The following USP7 variants were observed in gnomAD, a reference collection of about 807,000 sequenced individuals.
The protein encoded by USP7 is ubiquitin C-terminal hydrolase 7.
USP7 carries 9 observed loss-of-function variants against 162.9 expected under a neutral mutation model. The observed-to-expected ratio is 0.06, with a 90% CI of 0.03 to 0.10. USP7 has a LOEUF of 0.10. Among genes scored for constraint, USP7 ranks in the 10% least tolerant of loss-of-function variants. USP7 has a pLI of 1.00. For synonymous variants in USP7, 562 were observed against 475.9 expected, an observed-to-expected ratio of 1.18 and a Z score of -2.35; for missense variants, 715 against 1,373.7, an observed-to-expected ratio of 0.52 and a Z score of 7.58.
intron 2 of USP7, among the ~76,000 whole-genome samples, chr16:8,924,622 C>A (rs1475397308): frequency 6.6e-6 from 1 of 152,248 alleles, no homozygotes; most frequent in Non-Finnish European, 1.5e-5. Flanking sequence ...AAGGCAGTCA[C>A]CATGTCATCC....
At chr16:8,896,681 C>A (rs1267712432) in intron 26 of USP7, among the ~76,000 whole-genome samples, 1 of 152,178 alleles carries the variant, frequency 6.6e-6, no homozygotes, top group Non-Finnish European at 1.5e-5. Context: ...TCTATGGGAA[C>A]TGCGCCTTTT....
At position 8,929,110 on chromosome 16, in the gene USP7, G is replaced by A. The variant is rs548615873; in HGVS notation, c.184+1183C>T. Among the ~76,000 whole-genome samples the A allele has an allele frequency of 2.6e-5, 4 of 152,106 alleles. No individual in the cohort carries two copies. In the South Asian group the frequency reaches 8.3e-4, roughly 32 times the overall value. On this transcript the variant is annotated intron_variant, in intron 2 of 30. Coordinates refer to ENST00000344836, the MANE Select transcript of USP7 (RefSeq NM_003470.3). ...AGATTGCTCTGTGGGAACTAGACCC[G>A]GAATGTTCCGATAGGGCAGGGCCTG...
chr16:8,922,442 C>A (rs576818348), intron 3 of USP7, among the ~76,000 whole-genome samples: 1 of 152,328 alleles, frequency 6.6e-6, no homozygotes, highest in African/African-American at 2.4e-5. Flanking sequence ...GAGCCAAGAT[C>A]AGGCCACTGC....
chr16:8,894,123 A>T lies in USP7; in HGVS notation c.3203-19T>A, dbSNP rs1251993005. 1.2e-6 allele frequency: 2 copies of T among 1,610,044 alleles called. No individual in the cohort carries two copies. The highest frequency in any genetic ancestry group is 2.2e-5 in the East Asian group (1 of 44,870). On this transcript the variant is annotated intron_variant, in intron 30 of 30. Coordinates refer to ENST00000344836, the MANE Select transcript of USP7 (RefSeq NM_003470.3). ...ATATTACCTGGTGGGGATGAAGAAAAGCAAGTGAGGCCACAGAGCAGCCCT... is the reference window on the plus strand; with the variant it reads ...ATATTACCTGGTGGGGATGAAGAAATGCAAGTGAGGCCACAGAGCAGCCCT...
At chr16:8,938,015 G>T (rs959219191) in intron 1 of USP7, among the ~76,000 whole-genome samples, 1 of 152,048 alleles carries the variant, frequency 6.6e-6, no homozygotes, top group African/African-American at 2.4e-5. Context: ...ACAATTCTCA[G>T]GTAATCGTCA....
At chr16:8,926,953 G>A (rs1214689090) in intron 2 of USP7, among the ~76,000 whole-genome samples, 5 of 152,192 alleles carry the variant, frequency 3.3e-5, no homozygotes, top group Non-Finnish European at 7.3e-5. Context: ...TTCCCACTGT[G>A]CACTTTGTTA....
rs781376756 is a variant in USP7, at chr16:8,905,200, C to T, written c.1560G>A (p.Arg520=). 3 of 1,613,926 alleles carry T rather than the reference C, an allele frequency of 1.9e-6. No individual in the cohort carries two copies. In the South Asian group the frequency reaches 3.3e-5, roughly 18 times the overall value. The stretch of plus-strand genomic sequence containing the variant: ...AACACTACTCACTCAGTTTTGATTC[C>T]CTGATGTAGACTAACATGTAAGCAT... ...CTNAYMLVYI[R]ESKLSEVLQA... is the part of the protein sequence containing the mutation. The change falls in exon 14 of 31, where the codon AGG becomes AGA. Residue 520 remains arginine (R), a synonymous_variant. Coordinates refer to ENST00000344836, the MANE Select transcript of USP7 (RefSeq NM_003470.3).
At chr16:8,959,985 G>A (rs1232802865) in intron 1 of USP7, among the ~76,000 whole-genome samples, 1 of 152,030 alleles carries the variant, frequency 6.6e-6, no homozygotes, top group Non-Finnish European at 1.5e-5. Flanking sequence ...CCACACCAGG[G>A]AAAAAAACAG....
chr16:8,897,225 T>C lies in USP7; in HGVS notation c.2719-126A>G, dbSNP rs1444667485. On this transcript the variant is annotated intron_variant, in intron 25 of 30. Coordinates refer to ENST00000344836, the MANE Select transcript of USP7 (RefSeq NM_003470.3). ...CCCCAGCTGGCCCCCATGTTCTTGC[T>C]CTCATTCCCACCCCAACTCCCTCAT... 24 of 720,564 alleles carry C rather than the reference T, an allele frequency of 3.3e-5. No homozygotes were observed. The Admixed American group carries it at 4.2e-4, about 13-fold the overall frequency. The allele number at this position is 720,564 out of a possible 1,614,324, so 44.6% of individuals were successfully genotyped here. A position where few individuals can be genotyped will look rare whatever the true frequency, so the allele number is the denominator to read the frequency against.
At chr16:8,936,498 T>A in intron 1 of USP7, 1 of 1,379,548 alleles carries the variant, frequency 7.2e-7, no homozygotes, top group Middle Eastern at 1.9e-4. Flanking sequence ...CCAAATATAC[T>A]TCAGAAGTTT....
Position 8,894,755 on chromosome 16 carries a change from CAAGCCCCCAG to C in USP7, c.3111+19_3111+28del. ...GGCAAGGCTTGAGCCTATGGCCCGC[CAAGCCCCCAG>C]GAGGCCCCAGCTGCACACCTTCTCA... is the stretch of plus-strand genomic sequence containing the variant. On this transcript the variant is annotated intron_variant, in intron 29 of 30. Transcript: ENST00000344836. 1 of 1,614,232 alleles carries C rather than the reference CAAGCCCCCAG, an allele frequency of 6.2e-7. No individual in the cohort carries two copies. Among genetic ancestry groups the C allele is most frequent in the Non-Finnish European group, 8.5e-7 (1 of 1,180,030 alleles).
intron 5 of USP7, among the ~76,000 whole-genome samples, 153 bp from the exon 6 acceptor site, chr16:8,919,292 T>C (rs1212162237): frequency 1.3e-5 from 2 of 151,980 alleles, no homozygotes; most frequent in African/African-American, 2.4e-5. Flanking sequence ...GATTCCCTTC[T>C]GCTTGCTCCA....
At chr16:8,954,290 CT>C (rs1203961826) in intron 1 of USP7, among the ~76,000 whole-genome samples, 2 of 152,178 alleles carry the variant, frequency 1.3e-5, no homozygotes, top group Non-Finnish European at 2.9e-5. Flanking sequence ...ACAGGTGCCC[CT>C]GGGAACCTAA....
At chr16:8,942,280 G>A (rs1306357634) in intron 1 of USP7, among the ~76,000 whole-genome samples, 1 of 152,228 alleles carries the variant, frequency 6.6e-6, no homozygotes, top group Non-Finnish European at 1.5e-5. Context: ...TGACTGGGAT[G>A]CCCAGTGGAG....
At chr16:8,906,619 T>C in intron 12 of USP7, 37 bp from the exon 13 acceptor site, 1 of 1,587,676 alleles carries the variant, frequency 6.3e-7, no homozygotes. Flanking sequence ...TCAGTATTAA[T>C]TTACACAAAA....
At chr16:8,920,951 C>A (rs1392951551) in intron 4 of USP7, among the ~76,000 whole-genome samples, 1 of 152,188 alleles carries the variant, frequency 6.6e-6, no homozygotes, top group African/African-American at 2.4e-5. Flanking sequence ...CTTTGAATGT[C>A]TGACTAAAAA....
At chr16:8,909,809 C>G (rs1368290099) in intron 11 of USP7, among the ~76,000 whole-genome samples, 2 of 152,206 alleles carry the variant, frequency 1.3e-5, no homozygotes, top group Admixed American at 1.3e-4. Context: ...GCCTGTAGTC[C>G]CAGCTACTTG....
At chr16:8,910,084 T>G (rs2061921515) in intron 11 of USP7, among the ~76,000 whole-genome samples, 1 of 152,212 alleles carries the variant, frequency 6.6e-6, no homozygotes, top group African/African-American at 2.4e-5. Context: ...CAGGCCAGAC[T>G]GACATTTTTA....
intron 27 of USP7, among the ~76,000 whole-genome samples, chr16:8,895,362 T>G: frequency 6.6e-6 from 1 of 152,170 alleles, no homozygotes; most frequent in Non-Finnish European, 1.5e-5. Flanking sequence ...AAAAACTGAA[T>G]TTTAAGAGGC....
Sources: allele counts gnomAD v4.1 joint callset (sites outside exome capture counted in the v4.1 genomes callset), GRCh38; gene constraint gnomAD v4.1.1; transcripts MANE v1.5; gene names NCBI Gene and HGNC (gene_info 2026-07-23, HGNC 2026-07-21).